The following CCDC92 variants were observed in gnomAD, a reference collection of about 807,000 sequenced individuals.
The protein encoded by CCDC92 is coiled-coil domain containing 92, also known as coiled-coil domain-containing protein 92.
Under a neutral mutation model 24.9 loss-of-function variants are expected in CCDC92, and 12 were observed. That is an observed-to-expected ratio of 0.48 (90% CI 0.31 to 0.78). The LOEUF (loss-of-function observed/expected upper bound fraction) is 0.78. Among genes scored for constraint, CCDC92 ranks in the 30% least tolerant of loss-of-function variants. CCDC92 has a pLI of 0.05. For synonymous variants in CCDC92, 193 were observed against 196.3 expected, an observed-to-expected ratio of 0.98 and a Z score of 0.14; for missense variants, 399 against 439.4, an observed-to-expected ratio of 0.91 and a Z score of 0.82.
At chr12:123,963,672 G>A (rs1289033981) in intron 1 of CCDC92, among the ~76,000 whole-genome samples, 1 of 152,152 alleles carries the variant, frequency 6.6e-6, no homozygotes. Context: ...AAGTGAAGAG[G>A]GTGAGTGCAA....
At chr12:123,961,193 TCTAC>T (rs1956264393) in intron 1 of CCDC92, 1 of 152,254 alleles carries the variant, frequency 6.6e-6, no homozygotes, top group African/African-American at 2.4e-5. Flanking sequence ...TCTTCTCTTA[TCTAC>T]CTGTCTCTCC....
chr12:123,966,001 T>C (rs1956384397), intron 1 of CCDC92: 1 of 152,232 alleles, frequency 6.6e-6, no homozygotes, highest in South Asian at 2.1e-4. Flanking sequence ...AAAAATGGGT[T>C]TTCATGTGAA....
chr12:123,968,796 C>T (rs1344194365), intron 1 of CCDC92, among the ~76,000 whole-genome samples: 2 of 152,142 alleles, frequency 1.3e-5, no homozygotes, highest in East Asian at 3.8e-4. Context: ...TTTTAAAAGA[C>T]GTTTAAAAAG....
At chr12:123,943,834 T>C in intron 2 of CCDC92, 1 of 454,244 alleles carries the variant, frequency 2.2e-6, no homozygotes. Context: ...TTCGCGAGCC[T>C]GGGGTCACAC....
At chr12:123,947,533 CTG>C (rs1353179521) in intron 1 of CCDC92, among the ~76,000 whole-genome samples, 1 of 152,206 alleles carries the variant, frequency 6.6e-6, no homozygotes, top group Non-Finnish European at 1.5e-5. Context: ...AATCAGCACC[CTG>C]TGTCTAGCTC....
chr12:123,947,289 C>T (rs531426408), intron 1 of CCDC92, among the ~76,000 whole-genome samples: 88 of 152,310 alleles, frequency 5.8e-4, no homozygotes, highest in Admixed American at 1.1e-3. Context: ...CGACCAGTGC[C>T]GCTCCCTGCT....
chr12:123,944,608 G>A (rs1164412625), intron 1 of CCDC92: 6 of 332,638 alleles, frequency 1.8e-5, no homozygotes, highest in Non-Finnish European at 3.2e-5. Flanking sequence ...TGTACGACCA[G>A]TGACATGCAT....
At chr12:123,941,500 C>T (rs1955683258) in intron 4 of CCDC92, among the ~76,000 whole-genome samples, 1 of 152,246 alleles carries the variant, frequency 6.6e-6, no homozygotes, top group Non-Finnish European at 1.5e-5. Context: ...GTGTCTTTTA[C>T]AAGGAACTGG....
intron 1 of CCDC92, among the ~76,000 whole-genome samples, chr12:123,960,257 C>T (rs1214525393): frequency 6.6e-6 from 1 of 152,112 alleles, no homozygotes; most frequent in African/African-American, 2.4e-5. Flanking sequence ...CACTCAGCAC[C>T]CTCCCCAACC....
Position 123,944,321 on chromosome 12 carries a change from A to T in CCDC92, c.-16T>A, listed in dbSNP as rs781406829. The T allele has an allele frequency of 1.3e-6, 2 of 1,574,676 alleles. No individual in the cohort carries two copies. The highest frequency in any genetic ancestry group is 2.3e-5 in the South Asian group (2 of 85,860). ...GTGAAGTCATGGGTCTTTCTGGAAA[A>T]GCTACCAGAGTAATTCAAGACGCTT... On this transcript the variant is annotated 5_prime_UTR_variant, in exon 2 of 5. Coordinates refer to ENST00000238156, the MANE Select transcript of CCDC92 (RefSeq NM_025140.3).
intron 1 of CCDC92, among the ~76,000 whole-genome samples, chr12:123,969,042 G>T (rs1956459054): frequency 6.6e-6 from 1 of 152,144 alleles, no homozygotes; most frequent in Non-Finnish European, 1.5e-5. Context: ...CTGCTTCTTA[G>T]CCACAGACTG....
intron 1 of CCDC92, among the ~76,000 whole-genome samples, chr12:123,947,114 G>A (rs1955894521): frequency 6.6e-6 from 1 of 152,204 alleles, no homozygotes. Flanking sequence ...GCCAGCAGCT[G>A]CAGAGGGTGT....
chr12:123,936,957 A>G lies in CCDC92; in HGVS notation c.*101T>C, dbSNP rs1955515554. The G allele has an allele frequency of 7.4e-7, 1 of 1,359,206 alleles. No homozygotes were observed. The highest frequency in any genetic ancestry group is 1.0e-6 in the Non-Finnish European group (1 of 979,122). 84.2% of individuals were successfully genotyped at this position (1,359,206 alleles called of 1,614,324 possible). A position where few individuals can be genotyped will look rare whatever the true frequency, so the allele number is the denominator to read the frequency against. Reference sequence around the variant, plus strand: ...AAGGAGAATGGGTCGGTAGGTGTGAAAAGTGTTTGGCATGCATGGGATTAA... The same window carrying G: ...AAGGAGAATGGGTCGGTAGGTGTGAGAAGTGTTTGGCATGCATGGGATTAA... On this transcript the variant is annotated 3_prime_UTR_variant, in exon 5 of 5. Transcript: ENST00000238156.
intron 1 of CCDC92, among the ~76,000 whole-genome samples, chr12:123,964,700 A>C (rs546684425): frequency 2.6e-5 from 4 of 152,218 alleles, no homozygotes; most frequent in Non-Finnish European, 4.4e-5. Context: ...GAGTAGGTGA[A>C]TCTAAACCTG....
rs943259397 is a variant in CCDC92 at position 123,955,977 on chromosome 12, T to C, written c.-59-11613A>G. ...CTTGGACAGTGTAAGAATTTAGCTATGCATCAAGCAAAAGCAAGCCAACTC... is the reference window on the plus strand; with the variant it reads ...CTTGGACAGTGTAAGAATTTAGCTACGCATCAAGCAAAAGCAAGCCAACTC... On this transcript the variant is annotated intron_variant, in intron 1 of 4. Coordinates refer to ENST00000238156, the MANE Select transcript of CCDC92 (RefSeq NM_025140.3). Among the ~76,000 whole-genome samples the C allele has an allele frequency of 4.6e-5, 7 of 152,198 alleles. No individual in the cohort carries two copies. In the South Asian group the frequency reaches 8.3e-4, roughly 18 times the overall value.
chr12:123,937,457 G>C lies in CCDC92; in HGVS notation c.597C>G (p.Pro199=). The C allele has an allele frequency of 6.2e-7, 1 of 1,613,394 alleles. No individual in the cohort carries two copies. Among genetic ancestry groups the C allele is most frequent in the South Asian group, 1.1e-5 (1 of 91,056 alleles). ...YKPAPPKDKL[P]ETPRRRMKKS... ...TTTTCATGCGGCGGCGAGGCGTTTC[G>C]GGTAGCTTGTCTTTGGGGGGCGCTG... Residue 199 remains proline, a synonymous_variant, in exon 5 of 5, where the codon CCC becomes CCG. Transcript: ENST00000238156. The surrounding 1 kb of genome is among the most constrained non-coding windows in gnomAD (Gnocchi z 8.4).
At chr12:123,964,123 G>A (rs1956337228) in intron 1 of CCDC92, among the ~76,000 whole-genome samples, 1 of 152,114 alleles carries the variant, frequency 6.6e-6, no homozygotes, top group African/African-American at 2.4e-5. Context: ...TGCTGCGCTG[G>A]TAAATCTTAA....
rs941266427 is a variant in CCDC92, at chr12:123,959,026, T to C, written c.-60+13503A>G. 5.3e-5 allele frequency among the ~76,000 whole-genome samples: 8 copies of C among 152,314 alleles called. No homozygotes were observed. In the South Asian group the frequency reaches 1.0e-3, roughly 20 times the overall value. On this transcript the variant is annotated intron_variant, in intron 1 of 4. Transcript: ENST00000238156. ...TGAGCTGTACTGGATCCGCGAGCTA[T>C]AGCGGCATAGCAGGGTAGGATTAAC... is the stretch of plus-strand genomic sequence containing the variant.
At chr12:123,941,085 A>G (rs1955669128) in intron 4 of CCDC92, among the ~76,000 whole-genome samples, 1 of 152,228 alleles carries the variant, frequency 6.6e-6, no homozygotes, top group Non-Finnish European at 1.5e-5. Context: ...GCCACAGGGC[A>G]AAACTATGCT....
Sources: gnomAD v4.1 joint callset for allele counts (sites outside exome capture counted in the v4.1 genomes callset) on GRCh38, gnomAD v4.1.1 for gene constraint, Gnocchi (gnomAD v3.1) non-coding constraint, MANE v1.5 for transcripts, NCBI Gene and HGNC (gene_info 2026-07-23, HGNC 2026-07-21) for gene names.